SDK1: variants seen among roughly 807,000 people sequenced by gnomAD.
SDK1 encodes the protein sidekick cell adhesion molecule 1.
Under a neutral mutation model 245.5 loss-of-function variants are expected in SDK1, and 157 were observed. The observed-to-expected ratio is 0.64, with a 90% CI of 0.56 to 0.73. The LOEUF is 0.73. Ranked by LOEUF, SDK1 falls within the 30% of genes least tolerant of loss-of-function variation. SDK1 has a pLI of 0.00. For missense variants in SDK1, 3,583 were observed against 3,002.3 expected (o/e 1.19, Z -4.52); for synonymous variants, 1,647 against 1,278.5 (o/e 1.29, Z -6.15).
intron 38 of SDK1, among the ~76,000 whole-genome samples, chr7:4,211,201 A>G (rs566792721): frequency 5.3e-5 from 8 of 152,318 alleles, no homozygotes; most frequent in African/African-American, 9.6e-5. Flanking sequence ...CACTTCCTAG[A>G]TCAACCGGAA....
At chr7:4,085,952 ACATT>A (rs1157383172) in intron 22 of SDK1, among the ~76,000 whole-genome samples, 1 of 152,206 alleles carries the variant, frequency 6.6e-6, no homozygotes, top group Non-Finnish European at 1.5e-5. Context: ...TTAAAAAGTG[ACATT>A]CACAGAAGTT....
At chr7:3,868,862 C>A (rs889955538) in intron 5 of SDK1, among the ~76,000 whole-genome samples, 4 of 152,128 alleles carry the variant, frequency 2.6e-5, no homozygotes, top group African/African-American at 9.7e-5. Context: ...AAACATTGAC[C>A]CTGCTTGCTT....
chr7:4,211,326 G>A (rs1022435003), intron 38 of SDK1, among the ~76,000 whole-genome samples: 8 of 152,198 alleles, frequency 5.3e-5, no homozygotes, highest in Admixed American at 1.3e-4. Flanking sequence ...AATGCAGATG[G>A]CTCGGAGGAG....
At chr7:3,673,879 G>A (rs376713323) in intron 4 of SDK1, among the ~76,000 whole-genome samples, 5 of 152,166 alleles carry the variant, frequency 3.3e-5, no homozygotes, top group African/African-American at 1.2e-4. Context: ...GATTATTATT[G>A]ATGAACTGAT....
chr7:3,373,484 C>G (rs1781277814), intron 1 of SDK1, among the ~76,000 whole-genome samples: 1 of 152,150 alleles, frequency 6.6e-6, no homozygotes, highest in African/African-American at 2.4e-5. Flanking sequence ...AAGAAAATCC[C>G]TTAGTAAAAG....
In SDK1 at chr7:4,217,265, C is replaced by T. The variant is rs751846086; in HGVS notation, c.5540-2844C>T. 7.0e-4 allele frequency among the ~76,000 whole-genome samples: 95 copies of T among 136,124 alleles called. 3 individuals are homozygous for T. The highest frequency in any genetic ancestry group is 1.1e-3 in the Non-Finnish European group (70 of 62,758). 89.3% of individuals were successfully genotyped at this position (136,124 alleles called of 152,430 possible). On this transcript the variant is annotated intron_variant, in intron 38 of 44. Coordinates refer to ENST00000404826, the MANE Select transcript of SDK1 (RefSeq NM_152744.4). ...AGGCCACCCGGAGAACCACACCACC[C>T]GGAGCACCAGGCCACCCGGAGAACC...
intron 22 of SDK1, among the ~76,000 whole-genome samples, chr7:4,107,585 C>T (rs992968994): frequency 6.6e-6 from 1 of 152,114 alleles, no homozygotes; most frequent in Admixed American, 6.5e-5. Context: ...AGGAGCCCAC[C>T]TAAGTCACCG....
chr7:3,603,407 A>T (rs1029795687), intron 1 of SDK1, among the ~76,000 whole-genome samples: 2 of 151,312 alleles, frequency 1.3e-5, no homozygotes, highest in African/African-American at 4.9e-5. Flanking sequence ...TATCCCTTGT[A>T]AGGTGGATTC....
intron 4 of SDK1, among the ~76,000 whole-genome samples, chr7:3,806,346 G>T (rs900952214): frequency 8.9e-6 from 1 of 112,912 alleles, no homozygotes; most frequent in Non-Finnish European, 1.6e-5. Flanking sequence ...ACATTAGGAT[G>T]TGGATGTCCA....
At chr7:4,170,547 C>A (rs1019163387) in intron 32 of SDK1, among the ~76,000 whole-genome samples, 1 of 152,186 alleles carries the variant, frequency 6.6e-6, no homozygotes, top group Non-Finnish European at 1.5e-5. Context: ...ATTTCCACCA[C>A]GCCCCCACAT....
Position 4,169,687 on chromosome 7 carries a change from G to A in SDK1, c.4801-4535G>A, listed in dbSNP as rs984430050. 8.5e-5 allele frequency among the ~76,000 whole-genome samples: 13 copies of A among 152,184 alleles called. 1 individual carries two copies. The highest frequency in any genetic ancestry group is 4.8e-5 in the African/African-American group (2 of 41,456). On this transcript the variant is annotated intron_variant, in intron 32 of 44. Transcript: ENST00000404826. Reference sequence around the variant, plus strand: ...CCAAGGGGCGGAGCTCAGTGTTTGCGTGCATTCCTCCAGTAACATGCCCTG... The same window carrying A: ...CCAAGGGGCGGAGCTCAGTGTTTGCATGCATTCCTCCAGTAACATGCCCTG...
At chr7:3,757,113 C>T (rs187064099) in intron 4 of SDK1, among the ~76,000 whole-genome samples, 16 of 152,136 alleles carry the variant, frequency 1.1e-4, no homozygotes, top group Non-Finnish European at 1.5e-4. Context: ...CAACTCCCAG[C>T]GTTAGCACAG....
rs541884629 is a variant in SDK1, at chr7:3,999,825, TC to T, written c.2132-11135del. Among the ~76,000 whole-genome samples the T allele has an allele frequency of 3.3e-5, 5 of 152,136 alleles. No individual in the cohort carries two copies. In the East Asian group the frequency reaches 7.7e-4, roughly 24 times the overall value. ...GATGTATAAAGGGAGAGTTCTTATC[TC>T]CCCCCACCATGAGGGAGCACTGCTA... is the stretch of plus-strand genomic sequence containing the variant. On this transcript the variant is annotated intron_variant, in intron 14 of 44. Transcript: ENST00000404826.
At chr7:4,264,395 C>T (rs1326268875) in intron 44 of SDK1, among the ~76,000 whole-genome samples, 2 of 138,102 alleles carry the variant, frequency 1.4e-5, no homozygotes, top group Admixed American at 7.2e-5. Flanking sequence ...CCGTGTGGAC[C>T]TCTCCTGGGG....
chr7:3,600,955 G>C (rs1413361128), intron 1 of SDK1, among the ~76,000 whole-genome samples: 1 of 152,088 alleles, frequency 6.6e-6, no homozygotes, highest in East Asian at 1.9e-4. Context: ...TTTGTCAAAT[G>C]CTTTTTCTGC....
chr7:4,099,658 ATC>A lies in SDK1; in HGVS notation c.3325-11000_3325-10999del, dbSNP rs142754762. ...GGAACTGGCTCACCCTGGGAGGGCCATCTCTCCAGGGCCAGCCAGGCCCAGGT... is the reference window on the plus strand; with the variant it reads ...GGAACTGGCTCACCCTGGGAGGGCCATCTCCAGGGCCAGCCAGGCCCAGGT... On this transcript the variant is annotated intron_variant, in intron 22 of 44. Coordinates refer to ENST00000404826, the MANE Select transcript of SDK1 (RefSeq NM_152744.4). 0.012 allele frequency among the ~76,000 whole-genome samples: 1,645 copies of A among 141,664 alleles called. 115 individuals are homozygous for A. The East Asian group carries it at 0.2, about 18-fold the overall frequency. 92.9% of individuals were successfully genotyped at this position (141,664 alleles called of 152,430 possible). A position where few individuals can be genotyped will look rare whatever the true frequency, so the allele number is the denominator to read the frequency against.
At chr7:3,623,950 A>C (rs1251600211) in intron 2 of SDK1, among the ~76,000 whole-genome samples, 5 of 152,218 alleles carry the variant, frequency 3.3e-5, no homozygotes, top group African/African-American at 1.2e-4. Context: ...AGAATGGTTA[A>C]GGGAAAGGTT....
At chr7:3,763,642 G>C (rs921634909) in intron 4 of SDK1, among the ~76,000 whole-genome samples, 6 of 152,076 alleles carry the variant, frequency 3.9e-5, no homozygotes, top group Admixed American at 1.3e-4. Context: ...ATAAAATATT[G>C]AACATAAAAC....
chr7:4,069,318 A>T (rs561613508), intron 20 of SDK1, among the ~76,000 whole-genome samples: 2 of 152,266 alleles, frequency 1.3e-5, no homozygotes, highest in African/African-American at 2.4e-5. Context: ...TTTTCTAAAC[A>T]TTACCAAGGA....
Sources: gnomAD v4.1 joint callset for allele counts (sites outside exome capture counted in the v4.1 genomes callset) on GRCh38, gnomAD v4.1.1 for gene constraint, MANE v1.5 for transcripts, NCBI Gene and HGNC (gene_info 2026-07-23, HGNC 2026-07-21) for gene names.